The following CASZ1 variants were observed in gnomAD, a reference collection of about 807,000 sequenced individuals.
CASZ1 encodes zinc finger protein castor homolog 1.
In CASZ1, 28 loss-of-function variants were observed where a neutral mutation model predicts 135.2. The observed-to-expected ratio is 0.21, with a 90% confidence interval of 0.15 to 0.28. CASZ1 has a LOEUF of 0.28. CASZ1 is among the 10% of genes least tolerant of loss of function. The pLI, the probability that CASZ1 is intolerant of heterozygous loss-of-function variation, is 1.00. For synonymous variants in CASZ1, 1,068 were observed against 1,073.4 expected (o/e 0.99, Z 0.10); for missense variants, 2,161 against 2,453.3 (o/e 0.88, Z 2.52).
In CASZ1 at chr1:10,701,136, G is replaced by T. The variant is rs1156317298; in HGVS notation, c.-24+4356C>A. ...GGGCCCCTGATGCCAGGGCCAGCAG[G>T]TTGTCAAGGAGCTGAGCTGCCCCAG... On this transcript the variant is annotated intron_variant, in intron 3 of 20. Transcript: ENST00000377022. The surrounding 1 kb of genome is among the most constrained non-coding windows in gnomAD (Gnocchi z 6.3). 6.6e-6 allele frequency among the ~76,000 whole-genome samples: 1 copy of T among 152,182 alleles called. No individual in the cohort carries two copies. The highest frequency in any genetic ancestry group is 2.4e-5 in the African/African-American group (1 of 41,446).
Position 10,788,510 on chromosome 1 carries a change from A to AT in CASZ1, c.-234+8053dup, listed in dbSNP as rs557089225. 2.6e-5 allele frequency among the ~76,000 whole-genome samples: 4 copies of AT among 152,110 alleles called. No homozygotes were observed. The highest frequency in any genetic ancestry group is 1.9e-4 in the East Asian group (1 of 5,194). On this transcript the variant is annotated intron_variant, in intron 1 of 20. Coordinates refer to ENST00000377022, the MANE Select transcript of CASZ1 (RefSeq NM_001079843.3). This position sits in a 1 kb window ranked among gnomAD's most constrained non-coding sequence, Gnocchi z 4.1. The stretch of plus-strand genomic sequence containing the variant: ...TATAAGCAACATTTATGCTTACGAG[A>AT]TTTTTTTTATTAAGAGGATTCTCAA...
At chr1:10,729,636 A>AT (rs1639667116) in intron 2 of CASZ1, among the ~76,000 whole-genome samples, 1 of 152,316 alleles carries the variant, frequency 6.6e-6, no homozygotes, top group Non-Finnish European at 1.5e-5. Flanking sequence ...TAAAGTCCCC[A>AT]TAGTGGAACA....
intron 2 of CASZ1, among the ~76,000 whole-genome samples, chr1:10,723,403 T>TTTAAAACCAACCCATCTGTGCA (rs1639540001): frequency 6.6e-6 from 1 of 152,188 alleles, no homozygotes. Context: ...TTAGAGCCCC[T>TTTAAAACCAACCCATCTGTGCA]TTAAAACCAA....
At chr1:10,641,536 G>C (rs2124665826) in intron 20 of CASZ1, among the ~76,000 whole-genome samples, 1 of 152,356 alleles carries the variant, frequency 6.6e-6, no homozygotes, top group Middle Eastern at 3.4e-3. Flanking sequence ...AGTCCACAGA[G>C]ACTTCCCTTA....
intron 9 of CASZ1, among the ~76,000 whole-genome samples, chr1:10,655,298 T>G (rs1642749960): frequency 1.3e-5 from 2 of 152,160 alleles, no homozygotes. Context: ...TGCGTGGCAT[T>G]AAAACAAAGA....
At chr1:10,754,323 A>G (rs1640205385) in intron 2 of CASZ1, among the ~76,000 whole-genome samples, 1 of 152,118 alleles carries the variant, frequency 6.6e-6, no homozygotes, top group Non-Finnish European at 1.5e-5. Context: ...TCCGAATGTA[A>G]ACCTCATGAG....
chr1:10,650,763 A>C lies in CASZ1; in HGVS notation c.2817-8T>G. 6.2e-7 allele frequency: 1 copy of C among 1,613,210 alleles called. No homozygotes were observed. Among genetic ancestry groups the C allele is most frequent in the Non-Finnish European group, 8.5e-7 (1 of 1,179,682 alleles). On this transcript the variant is annotated splice_polypyrimidine_tract_variant and splice_region_variant and intron_variant, in intron 12 of 20. Coordinates refer to ENST00000377022, the MANE Select transcript of CASZ1 (RefSeq NM_001079843.3). ...TGGCCATTTGATTCGTTGCTAGAAC[A>C]CACAAACCAAGGGACTTGAGCTCAG...
intron 3 of CASZ1, among the ~76,000 whole-genome samples, chr1:10,698,783 G>C (rs988200669): frequency 6.6e-6 from 1 of 152,190 alleles, no homozygotes; most frequent in African/African-American, 2.4e-5. Context: ...CCTTCCTCTC[G>C]TGGGCTCTCC....
At chr1:10,693,978 C>G in intron 3 of CASZ1, 66 bp from the exon 4 acceptor site, 2 of 1,484,680 alleles carry the variant, frequency 1.3e-6, no homozygotes, top group East Asian at 2.4e-5. Flanking sequence ...CTCGCGGGAC[C>G]CCGGCCGCCC....
At chr1:10,792,219 GTT>G (rs34902302) in intron 1 of CASZ1, among the ~76,000 whole-genome samples, 3 of 126,148 alleles carry the variant, frequency 2.4e-5, no homozygotes, top group African/African-American at 5.9e-5. Flanking sequence ...GGTGGAGTCA[GTT>G]TTTTTTTTTT....
Position 10,676,858 on chromosome 1 carries a change from C to T in CASZ1, c.17-11287G>A, listed in dbSNP as rs1638241963. 1.3e-5 allele frequency among the ~76,000 whole-genome samples: 2 copies of T among 152,230 alleles called. No individual in the cohort carries two copies. The highest frequency in any genetic ancestry group is 4.8e-5 in the African/African-American group (2 of 41,454). On this transcript the variant is annotated intron_variant, in intron 4 of 20. Transcript: ENST00000377022. This position sits in a 1 kb window ranked among gnomAD's most constrained non-coding sequence, Gnocchi z 4.5. ...ACATCCTGTCTCCCGGGATCTAGGT[C>T]CTGGCAGCTGGCGGGTATCAAGGGC...
At position 10,700,926 on chromosome 1, in the gene CASZ1, G is replaced by A. The variant is rs567801009; in HGVS notation, c.-24+4566C>T. On this transcript the variant is annotated intron_variant, in intron 3 of 20. Transcript: ENST00000377022. The surrounding 1 kb of genome is among the most constrained non-coding windows in gnomAD (Gnocchi z 4.2). ...TATATGAATGATATCTCAATAAAGCGGTTATTAAAAAGTGGGGGAAAGACG... is the reference window on the plus strand; with the variant it reads ...TATATGAATGATATCTCAATAAAGCAGTTATTAAAAAGTGGGGGAAAGACG... 3.5e-4 allele frequency among the ~76,000 whole-genome samples: 53 copies of A among 152,214 alleles called. No individual in the cohort carries two copies. The highest frequency in any genetic ancestry group is 7.7e-4 in the East Asian group (4 of 5,180).
chr1:10,745,007 C>T (rs1640013592), intron 2 of CASZ1, among the ~76,000 whole-genome samples: 1 of 152,174 alleles, frequency 6.6e-6, no homozygotes, highest in Non-Finnish European at 1.5e-5. Context: ...ACGGAATAGG[C>T]CACCTGACCT....
At chr1:10,692,700 C>T (rs1445611493) in intron 4 of CASZ1, among the ~76,000 whole-genome samples, 1 of 152,324 alleles carries the variant, frequency 6.6e-6, no homozygotes, top group East Asian at 1.9e-4. Flanking sequence ...CACCGGCCAC[C>T]GTGCCACCCA....
At chr1:10,682,735 C>T (rs1638467265) in intron 4 of CASZ1, among the ~76,000 whole-genome samples, 1 of 152,250 alleles carries the variant, frequency 6.6e-6, no homozygotes, top group Admixed American at 6.5e-5. Context: ...ATCTCCTTCT[C>T]TGGGCTCTTG....
chr1:10,751,007 G>A (rs1037615021), intron 2 of CASZ1, among the ~76,000 whole-genome samples: 2 of 151,634 alleles, frequency 1.3e-5, no homozygotes, highest in African/African-American at 2.4e-5. Context: ...TGGAGTGATC[G>A]CCAAGACACC....
intron 8 of CASZ1, among the ~76,000 whole-genome samples, chr1:10,656,232 G>A (rs540396424): frequency 3.3e-5 from 5 of 152,342 alleles, no homozygotes; most frequent in East Asian, 1.9e-4. Flanking sequence ...CCAGCCCCGC[G>A]CTCACTGGCG....
At position 10,700,605 on chromosome 1, in the gene CASZ1, A is replaced by C. The variant is rs1419105089; in HGVS notation, c.-24+4887T>G. 6.6e-6 allele frequency among the ~76,000 whole-genome samples: 1 copy of C among 152,128 alleles called. No homozygotes were observed. The highest frequency in any genetic ancestry group is 1.5e-5 in the Non-Finnish European group (1 of 68,030). ...CAGGACATCAAGCAATCCCTCATGG[A>C]GCACCAGCTCTGGAGTCTCAGTACC... On this transcript the variant is annotated intron_variant, in intron 3 of 20. Transcript: ENST00000377022. The surrounding 1 kb of genome is among the most constrained non-coding windows in gnomAD (Gnocchi z 4.2).
In CASZ1 at chr1:10,717,267, C is replaced by A. The variant is rs1167705868; in HGVS notation, c.-76-11723G>T. 2.0e-5 allele frequency among the ~76,000 whole-genome samples: 3 copies of A among 152,228 alleles called. No homozygotes were observed. The highest frequency in any genetic ancestry group is 7.2e-5 in the African/African-American group (3 of 41,450). The stretch of plus-strand genomic sequence containing the variant: ...GTTCCCACGGAACCCACTCACCCCA[C>A]CCCCAGCCTCTGCAGCTCCCCAGTT... On this transcript the variant is annotated intron_variant, in intron 2 of 20. Transcript: ENST00000377022. This position sits in a 1 kb window ranked among gnomAD's most constrained non-coding sequence, Gnocchi z 4.6.
Sources: allele counts gnomAD v4.1 joint callset (sites outside exome capture counted in the v4.1 genomes callset), GRCh38; gene constraint gnomAD v4.1.1; non-coding constraint Gnocchi (gnomAD v3.1); transcripts MANE v1.5; gene names NCBI Gene and HGNC (gene_info 2026-07-23, HGNC 2026-07-21).